Variants in SV2C observed in about 807,000 individuals in gnomAD.
SV2C encodes solute carrier family 22 member B3.
A neutral mutation model predicts 79.7 loss-of-function variants in SV2C; 49 were observed. The ratio of observed to expected loss-of-function variants is 0.61; its 90% CI spans 0.49 to 0.78. The LOEUF is 0.78. Ranked by LOEUF, SV2C falls within the 30% of genes least tolerant of loss-of-function variation. The pLI, the probability that SV2C is intolerant of heterozygous loss-of-function variation, is 0.00. For missense variants in SV2C, 833 were observed against 912.9 expected, an observed-to-expected ratio of 0.91 and a Z score of 1.13; for synonymous variants, 334 against 333.2, an observed-to-expected ratio of 1.00 and a Z score of -0.03.
chr5:76,243,131 G>T (rs1198809695), intron 4 of SV2C, among the ~76,000 whole-genome samples: 1 of 151,924 alleles, frequency 6.6e-6, no homozygotes, highest in Non-Finnish European at 1.5e-5. Flanking sequence ...CATGTAAAGA[G>T]GTTGGTGAGG....
intron 4 of SV2C, among the ~76,000 whole-genome samples, chr5:76,265,573 A>G (rs529446440): frequency 6.6e-6 from 1 of 152,324 alleles, no homozygotes; most frequent in African/African-American, 2.4e-5. Context: ...CAGTTGCCCA[A>G]TTTTGTGCTT....
chr5:76,033,601 A>G, the SV2C span, among the ~76,000 whole-genome samples: 13 of 152,196 alleles, frequency 8.5e-5, no homozygotes, highest in East Asian at 2.3e-3. Context: ...TGTTCCATTG[A>G]TCTATATCTC....
At chr5:75,930,515 C>T in the SV2C span, among the ~76,000 whole-genome samples, 2 of 152,172 alleles carry the variant, frequency 1.3e-5, no homozygotes, top group Non-Finnish European at 2.9e-5. Context: ...CAGGAATTGT[C>T]TTTGCTGTGT....
the SV2C span, among the ~76,000 whole-genome samples, chr5:76,015,201 A>G: frequency 6.6e-6 from 1 of 152,188 alleles, no homozygotes; most frequent in Non-Finnish European, 1.5e-5. Flanking sequence ...CCTAGATGGC[A>G]TAAGTTAGTG....
intron 4 of SV2C, among the ~76,000 whole-genome samples, chr5:76,261,112 T>C (rs1746446959): frequency 6.6e-6 from 1 of 152,264 alleles, no homozygotes; most frequent in African/African-American, 2.4e-5. Flanking sequence ...TCCTCTCTTA[T>C]TTCCTTGAGC....
At chr5:75,921,092 T>A in the SV2C span, 1 of 784,000 alleles carries the variant, frequency 1.3e-6, no homozygotes, top group Non-Finnish European at 2.2e-6. Flanking sequence ...GCCAAACTCC[T>A]GGGTGAGGGC....
At chr5:75,949,666 T>C in the SV2C span, among the ~76,000 whole-genome samples, 1 of 152,062 alleles carries the variant, frequency 6.6e-6, no homozygotes, top group African/African-American at 2.4e-5. Context: ...CTCTCATTTT[T>C]TCTTGTCTGC....
chr5:76,190,480 C>G (rs1278340133), intron 2 of SV2C, among the ~76,000 whole-genome samples: 1 of 152,166 alleles, frequency 6.6e-6, no homozygotes, highest in African/African-American at 2.4e-5. Context: ...GAAGACAGAG[C>G]AGGGTGATCA....
the SV2C span, among the ~76,000 whole-genome samples, chr5:75,924,820 G>A: frequency 2.7e-3 from 414 of 151,752 alleles, 2 homozygotes; most frequent in East Asian, 0.015. Context: ...AGGAAAAATC[G>A]AACAGACTAT....
At chr5:75,993,267 C>T in the SV2C span, among the ~76,000 whole-genome samples, 3 of 151,990 alleles carry the variant, frequency 2.0e-5, no homozygotes, top group African/African-American at 7.2e-5. Flanking sequence ...AAATTTGTAA[C>T]AGTCACAAAA....
chr5:75,950,067 T>G, the SV2C span, among the ~76,000 whole-genome samples: 1 of 152,018 alleles, frequency 6.6e-6, no homozygotes, highest in Non-Finnish European at 1.5e-5. Flanking sequence ...AGCCTGAGTC[T>G]TGATGTAGCT....
At chr5:76,076,806 T>C in the SV2C span, among the ~76,000 whole-genome samples, 1 of 152,186 alleles carries the variant, frequency 6.6e-6, no homozygotes, top group African/African-American at 2.4e-5. Flanking sequence ...TCCCCTATAT[T>C]GGTAGAGGTA....
the SV2C span, among the ~76,000 whole-genome samples, chr5:75,868,172 C>T: frequency 1.5e-3 from 227 of 152,038 alleles, 1 homozygote; most frequent in African/African-American, 5.0e-3. Context: ...TTTGCAAAGG[C>T]GTAGAAATTC....
At chr5:75,939,293 A>T in the SV2C span, among the ~76,000 whole-genome samples, 7 of 152,146 alleles carry the variant, frequency 4.6e-5, no homozygotes, top group Admixed American at 3.9e-4. Context: ...TAGCAGATTC[A>T]GTTCCTGGTG....
At chr5:76,033,150 C>T in the SV2C span, among the ~76,000 whole-genome samples, 7 of 151,976 alleles carry the variant, frequency 4.6e-5, no homozygotes, top group East Asian at 5.8e-4. Flanking sequence ...GATATTAGCC[C>T]TTTGTCAGAT....
At chr5:76,025,422 G>C in the SV2C span, among the ~76,000 whole-genome samples, 2 of 152,120 alleles carry the variant, frequency 1.3e-5, no homozygotes, top group African/African-American at 4.8e-5. Context: ...CTGCTGGGCT[G>C]TTTATTCGTA....
intron 12 of SV2C, among the ~76,000 whole-genome samples, chr5:76,340,465 T>C (rs180892864): frequency 4.6e-5 from 7 of 152,284 alleles, no homozygotes; most frequent in Admixed American, 4.6e-4. Context: ...GTTCTGTACA[T>C]CAAGTCAGGA....
chr5:76,127,094 T>C (rs1040348824), intron 1 of SV2C, among the ~76,000 whole-genome samples: 2 of 152,214 alleles, frequency 1.3e-5, no homozygotes, highest in African/African-American at 4.8e-5. Flanking sequence ...TCTCCCAGCA[T>C]CCAGAAGATT....
At chr5:76,324,704 T>A (rs1262205330) in intron 12 of SV2C, among the ~76,000 whole-genome samples, 1 of 148,692 alleles carries the variant, frequency 6.7e-6, no homozygotes, top group African/African-American at 2.5e-5. Flanking sequence ...AAAAAAAAAA[T>A]AGCTGAGCAT....
Sources: allele counts gnomAD v4.1 joint callset (sites outside exome capture counted in the v4.1 genomes callset), GRCh38; gene constraint gnomAD v4.1.1; transcripts MANE v1.5; gene names NCBI Gene and HGNC (gene_info 2026-07-23, HGNC 2026-07-21).